The following LIPJ variants were observed in gnomAD, a reference collection of about 807,000 sequenced individuals.
The protein encoded by LIPJ is lipase member J.
LIPJ carries 33 observed loss-of-function variants against 39.8 expected under a neutral mutation model. That is an observed-to-expected ratio of 0.83 (90% CI 0.63 to 1.11). LIPJ has a LOEUF of 1.11. LIPJ is among the 50% of genes least tolerant of loss of function. The pLI is 0.00. For synonymous variants in LIPJ, 128 were observed against 139.2 expected, an observed-to-expected ratio of 0.92 and a Z score of 0.57; for missense variants, 422 against 427.9, an observed-to-expected ratio of 0.99 and a Z score of 0.12.
upstream of LIPJ, chr10:88,583,068 C>G: frequency 1.9e-6 from 3 of 1,609,950 alleles, no homozygotes; most frequent in Non-Finnish European, 2.5e-6. Flanking sequence ...GTTTAGACAA[C>G]CCACCTGAGT....
chr10:88,607,044 A>G (rs563672901), downstream of LIPJ: 361 of 880,876 alleles, frequency 4.1e-4, no homozygotes, highest in Non-Finnish European at 5.1e-4. Context: ...CATTGACCTT[A>G]GGCCCTCCAG....
chr10:88,617,808 G>A, the LIPJ span, among the ~76,000 whole-genome samples: 4 of 152,090 alleles, frequency 2.6e-5, no homozygotes, highest in Admixed American at 6.5e-5. Context: ...AGGAAGAAAT[G>A]GGAACAGCTT....
chr10:88,607,768 T>C (rs1851703027), downstream of LIPJ, among the ~76,000 whole-genome samples: 1 of 152,212 alleles, frequency 6.6e-6, no homozygotes, highest in Admixed American at 6.5e-5. Flanking sequence ...CACCAGGAGA[T>C]GTACACTAAA....
chr10:88,619,955 TA>T, the LIPJ span, among the ~76,000 whole-genome samples: 1 of 151,650 alleles, frequency 6.6e-6, no homozygotes, highest in African/African-American at 2.4e-5. Context: ...ACTAAAAAAA[TA>T]AAAAAACAAG....
At chr10:88,593,515 A>T (rs1476618509) in intron 4 of LIPJ, 2 of 152,118 alleles carry the variant, frequency 1.3e-5, no homozygotes, top group African/African-American at 4.8e-5. Context: ...GGCTTGTTTC[A>T]TTTTTCTATC....
chr10:88,596,295 C>G, exon 7 of LIPJ: 1 of 1,470,170 alleles, frequency 6.8e-7, no homozygotes, highest in African/African-American at 1.4e-5. Flanking sequence ...ATAACATTTT[C>G]TACTATATCA....
chr10:88,621,856 T>C, the LIPJ span, among the ~76,000 whole-genome samples: 1 of 152,198 alleles, frequency 6.6e-6, no homozygotes, highest in Non-Finnish European at 1.5e-5. Flanking sequence ...TGCTCCACTA[T>C]ATTTCAGCCT....
exon 7 of LIPJ, chr10:88,596,294 T>G: frequency 6.8e-7 from 1 of 1,465,102 alleles, no homozygotes; most frequent in Non-Finnish European, 9.1e-7. Flanking sequence ...CATAACATTT[T>G]CTACTATATC....
At chr10:88,607,439 C>T (rs970519446), downstream of LIPJ, among the ~76,000 whole-genome samples, 1 of 152,022 alleles carries the variant, frequency 6.6e-6, no homozygotes, top group Non-Finnish European at 1.5e-5. Flanking sequence ...TCATAGAAAC[C>T]GTAGAGGGGC....
At chr10:88,606,722 A>G (rs762273573) in exon 11 of LIPJ, 1 of 1,613,570 alleles carries the variant, frequency 6.2e-7, no homozygotes, top group Non-Finnish European at 8.5e-7. Flanking sequence ...GGCAACTGCA[A>G]TTTGGAATGG....
chr10:88,590,359 T>C (rs182436508), intron 2 of LIPJ, among the ~76,000 whole-genome samples: 13 of 151,918 alleles, frequency 8.6e-5, no homozygotes, highest in Admixed American at 5.3e-4. Context: ...CAAAATAGGG[T>C]AGCCAGAAAA....
intron 6 of LIPJ, among the ~76,000 whole-genome samples, chr10:88,595,112 T>TA: frequency 6.6e-6 from 1 of 151,804 alleles, no homozygotes; most frequent in East Asian, 1.9e-4. Flanking sequence ...TTTTTCCTTT[T>TA]AAAAATGTAG....
downstream of LIPJ, among the ~76,000 whole-genome samples, chr10:88,607,138 A>C (rs75376965): frequency 7.5e-3 from 1,137 of 152,290 alleles, 8 homozygotes; most frequent in African/African-American, 0.026. Context: ...TTCAAAATAG[A>C]ATTTACATAA....
chr10:88,594,567 A>G (rs900581014), intron 5 of LIPJ, 100 bp from the exon 6 acceptor site: 8 of 524,660 alleles, frequency 1.5e-5, no homozygotes, highest in Admixed American at 7.0e-5. Flanking sequence ...TAATAACTAG[A>G]GTAGAAAATT....
chr10:88,602,583 T>G lies in LIPJ; in HGVS notation c.731T>G (p.Leu244Trp), dbSNP rs774246005. The change falls in exon 9 of 11, where the codon TTG becomes TGG. Residue 244 changes from leucine (L) to tryptophan (W), a missense_variant. Coordinates refer to ENST00000371939, the Ensembl canonical transcript of LIPJ. ...TTTTTTTTTACCCCTCAGAGTCGTT[T>G]GGATGTGTATTTTTCACACAACCCA... 3 of 1,543,728 alleles carry G rather than the reference T, an allele frequency of 1.9e-6. No individual in the cohort carries two copies. In the South Asian group the frequency reaches 3.5e-5, roughly 18 times the overall value.
chr10:88,615,010 A>G, the LIPJ span, among the ~76,000 whole-genome samples: 4 of 152,208 alleles, frequency 2.6e-5, no homozygotes, highest in African/African-American at 7.2e-5. Context: ...TTTGTACACT[A>G]TAACAATAAT....
intron 5 of LIPJ, 39 bp downstream of exon 5, chr10:88,594,183 T>C (rs1320934895): frequency 6.8e-7 from 1 of 1,480,768 alleles, no homozygotes; most frequent in East Asian, 2.3e-5. Context: ...TTTATAAGTG[T>C]ATACAAATTT....
intron 9 of LIPJ, among the ~76,000 whole-genome samples, chr10:88,603,904 C>T (rs1851577259): frequency 6.6e-6 from 1 of 152,066 alleles, no homozygotes; most frequent in Non-Finnish European, 1.5e-5. Flanking sequence ...CTAGAAAAAT[C>T]TAAACAACCT....
downstream of LIPJ, chr10:88,607,106 C>G (rs1257711579): frequency 2.4e-5 from 10 of 418,548 alleles, no homozygotes; most frequent in Non-Finnish European, 3.9e-5. Flanking sequence ...GATTATAAAT[C>G]AATCTAAGAA....
Sources: gnomAD v4.1 joint callset for allele counts (sites outside exome capture counted in the v4.1 genomes callset) on GRCh38, gnomAD v4.1.1 for gene constraint, MANE v1.5 for transcripts, NCBI Gene and HGNC (gene_info 2026-07-23, HGNC 2026-07-21) for gene names.